CEP83: variants seen among roughly 807,000 people sequenced by gnomAD.
CEP83 encodes centrosomal protein 83.
In CEP83, 70 loss-of-function variants were observed where a neutral mutation model predicts 101.9. That is an observed-to-expected ratio of 0.69 (90% confidence interval 0.57 to 0.84). The LOEUF is 0.84. Ranked by LOEUF, CEP83 falls within the 40% of genes least tolerant of loss-of-function variation. CEP83 has a pLI of 0.00. For synonymous variants in CEP83, 264 were observed against 267.9 expected (o/e 0.99, Z 0.14); for missense variants, 715 against 787.2 (o/e 0.91, Z 1.10).
intron 4 of CEP83, among the ~76,000 whole-genome samples, chr12:94,408,812 C>T (rs2063708015): frequency 6.6e-6 from 1 of 151,942 alleles, no homozygotes; most frequent in African/African-American, 2.4e-5. Context: ...GTTTCAAACT[C>T]CTAGCCTCAA....
At chr12:94,418,721 T>C (rs1047977652) in intron 2 of CEP83, among the ~76,000 whole-genome samples, 3 of 152,318 alleles carry the variant, frequency 2.0e-5, no homozygotes, top group African/African-American at 4.8e-5. Flanking sequence ...TAAAATGTTT[T>C]GGAACTAGAT....
At chr12:94,359,374 T>C (rs952029783) in intron 11 of CEP83, among the ~76,000 whole-genome samples, 1 of 151,898 alleles carries the variant, frequency 6.6e-6, no homozygotes, top group Non-Finnish European at 1.5e-5. Context: ...AAAAACAAAA[T>C]TGACAAAACA....
At chr12:94,392,307 A>G (rs1165081608) in intron 6 of CEP83, among the ~76,000 whole-genome samples, 2 of 152,248 alleles carry the variant, frequency 1.3e-5, no homozygotes, top group African/African-American at 4.8e-5. Context: ...CCACAGTGCA[A>G]TAAAATTAGA....
chr12:94,365,365 G>A lies in CEP83; in HGVS notation c.1343+2429C>T, dbSNP rs117042974. 8.1e-4 allele frequency among the ~76,000 whole-genome samples: 123 copies of A among 152,252 alleles called. 1 individual carries two copies. In the East Asian group the frequency reaches 0.022, roughly 27 times the overall value. ...ATTTGGCAATATCTAACAAAACTGC[G>A]TATGATTTACCTTTTGACCCACCTA... On this transcript the variant is annotated intron_variant, in intron 11 of 16. Coordinates refer to ENST00000397809, the MANE Select transcript of CEP83 (RefSeq NM_016122.3).
chr12:94,402,611 C>T (rs2063320212), intron 5 of CEP83, among the ~76,000 whole-genome samples: 2 of 152,114 alleles, frequency 1.3e-5, no homozygotes, highest in South Asian at 2.1e-4. Context: ...AAGAGATGTG[C>T]CAATTAGGCT....
chr12:94,313,413 T>A (rs746658618), intron 14 of CEP83, among the ~76,000 whole-genome samples: 5 of 151,648 alleles, frequency 3.3e-5, no homozygotes, highest in Non-Finnish European at 5.9e-5. Context: ...CTCATGCCTG[T>A]AATCCCAGTG....
intron 11 of CEP83, among the ~76,000 whole-genome samples, chr12:94,349,346 C>T (rs1369990442): frequency 6.7e-6 from 1 of 150,150 alleles, no homozygotes; most frequent in Non-Finnish European, 1.5e-5. Flanking sequence ...TTTTATACTA[C>T]AAGAATAAAC....
intron 1 of CEP83, among the ~76,000 whole-genome samples, chr12:94,438,862 C>T (rs1300148011): frequency 2.0e-5 from 3 of 152,076 alleles, no homozygotes; most frequent in Non-Finnish European, 4.4e-5. Flanking sequence ...GAAATTAACT[C>T]CAAAGGAAGC....
At chr12:94,297,098 G>A in the CEP83 span, 6 of 1,261,932 alleles carry the variant, frequency 4.8e-6, no homozygotes, top group African/African-American at 8.9e-5. Context: ...TCAGTATACA[G>A]CACAAATGGG....
At position 94,331,829 on chromosome 12, in the gene CEP83, C is replaced by T; in HGVS notation, c.1578G>A (p.Lys526=). ...ACTGTATCTGTTTCTCTTCCAATGTCCTGTCAGAAGAATGTATGTAAAACA... is the reference window on the plus strand; with the variant it reads ...ACTGTATCTGTTTCTCTTCCAATGTTCTGTCAGAAGAATGTATGTAAAACA... ...QAEKAQLEAE[K]TLEEKQIQWL... The change falls in exon 14 of 17, where the codon AAG becomes AAA. Residue 526 remains lysine (K), a splice_region_variant and synonymous_variant. Transcript: ENST00000397809. The T allele has an allele frequency of 6.2e-7, 1 of 1,611,528 alleles. No homozygotes were observed. Among genetic ancestry groups the T allele is most frequent in the African/African-American group, 1.3e-5 (1 of 74,988 alleles).
chr12:94,368,246 A>T, intron 9 of CEP83, 45 bp from the exon 10 acceptor site: 1 of 1,474,416 alleles, frequency 6.8e-7, no homozygotes, highest in Non-Finnish European at 9.2e-7. Context: ...CAATGTTATT[A>T]AGATGAAAAA....
At chr12:94,283,523 T>A in the CEP83 span, among the ~76,000 whole-genome samples, 1 of 152,248 alleles carries the variant, frequency 6.6e-6, no homozygotes, top group East Asian at 1.9e-4. Flanking sequence ...AAGACAGGAA[T>A]TGAGATAAAG....
chr12:94,349,432 T>TA (rs2136744088), intron 11 of CEP83, among the ~76,000 whole-genome samples: 1 of 152,316 alleles, frequency 6.6e-6, no homozygotes, highest in South Asian at 2.1e-4. Flanking sequence ...TGAGCCTAGT[T>TA]ACACTGATTT....
At position 94,343,156 on chromosome 12, in the gene CEP83, T is replaced by A. The variant is rs190925387; in HGVS notation, c.1344-7492A>T. 7.9e-4 allele frequency among the ~76,000 whole-genome samples: 120 copies of A among 151,930 alleles called. 1 individual carries two copies. The East Asian group carries it at 0.022, about 28-fold the overall frequency. On this transcript the variant is annotated intron_variant, in intron 11 of 16. Coordinates refer to ENST00000397809, the MANE Select transcript of CEP83 (RefSeq NM_016122.3). ...ATATATATAGAACTTCATACTCTTA[T>A]AAGACTCCATGTGTTTACGTAACAC...
At chr12:94,365,517 C>T (rs535560094) in intron 11 of CEP83, among the ~76,000 whole-genome samples, 22 of 152,262 alleles carry the variant, frequency 1.4e-4, no homozygotes, top group Non-Finnish European at 2.9e-4. Context: ...CACCTATAAT[C>T]CCAGTACTCT....
In CEP83 at chr12:94,308,836, C is replaced by A; in HGVS notation, c.2083G>T (p.Glu695Ter). 6.2e-7 allele frequency: 1 copy of A among 1,611,536 alleles called. No individual in the cohort carries two copies. The highest frequency in any genetic ancestry group is 1.1e-5 in the South Asian group (1 of 90,956). ...CATCATTCTCCGGAAGATCCAAGTT[C>A]CTCTAGTTGTTTTCTTTGTGTTGTT... The part of the protein sequence containing the change: ...LETTQRKQLE[E>*]LGSSGE Residue 695 changes from glutamate (E) to a stop codon, truncating the protein, a stop_gained, in exon 17 of 17, where the codon GAA becomes TAA. Transcript: ENST00000397809. LOFTEE classifies it high-confidence loss of function.
At chr12:94,455,992 G>A (rs986327473) in intron 1 of CEP83, among the ~76,000 whole-genome samples, 1 of 148,240 alleles carries the variant, frequency 6.7e-6, no homozygotes, top group African/African-American at 2.5e-5. Context: ...AGGTTGCAGT[G>A]AACAAAGATT....
intron 11 of CEP83, among the ~76,000 whole-genome samples, chr12:94,358,902 C>T (rs775682070): frequency 1.3e-5 from 2 of 152,208 alleles, no homozygotes; most frequent in Admixed American, 6.5e-5. Flanking sequence ...GTAACATGTC[C>T]ATAATGGCCA....
At chr12:94,429,796 TG>T (rs1416925939) in intron 2 of CEP83, among the ~76,000 whole-genome samples, 3 of 152,042 alleles carry the variant, frequency 2.0e-5, no homozygotes, top group African/African-American at 7.2e-5. Flanking sequence ...AGGACTAAAA[TG>T]TGAGTGAAAC....
Sources: allele counts gnomAD v4.1 joint callset (sites outside exome capture counted in the v4.1 genomes callset), GRCh38; gene constraint gnomAD v4.1.1; transcripts MANE v1.5; gene names NCBI Gene and HGNC (gene_info 2026-07-23, HGNC 2026-07-21).